The following WWOX variants were observed in gnomAD, a reference collection of about 807,000 sequenced individuals.
WWOX encodes WW domain-containing oxidoreductase.
A neutral mutation model predicts 46.2 loss-of-function variants in WWOX; 69 were observed. The observed-to-expected ratio is 1.49, with a 90% CI of 1.23 to 1.82. The LOEUF (loss-of-function observed/expected upper bound fraction) is 1.82, where lower values mean the gene tolerates loss of function less well. Ranked by LOEUF, WWOX falls within the 40% of genes most tolerant of loss-of-function variation. WWOX has a pLI of 0.00. For missense variants in WWOX, 919 were observed against 542.6 expected (o/e 1.69, Z -6.89); for synonymous variants, 359 against 202.6 (o/e 1.77, Z -6.56).
At chr16:78,445,504 G>T (rs927539699) in intron 8 of WWOX, among the ~76,000 whole-genome samples, 1 of 152,150 alleles carries the variant, frequency 6.6e-6, no homozygotes, top group African/African-American at 2.4e-5. Context: ...GAAATGAAGA[G>T]ACAAACCACT....
intron 5 of WWOX, among the ~76,000 whole-genome samples, chr16:78,336,768 C>T (rs745502598): frequency 3.9e-5 from 6 of 151,968 alleles, no homozygotes; most frequent in Non-Finnish European, 5.9e-5. Flanking sequence ...TGAGTTTTTA[C>T]AATTATAGTA....
intron 8 of WWOX, among the ~76,000 whole-genome samples, chr16:78,711,949 C>G (rs919296160): frequency 2.6e-5 from 4 of 152,198 alleles, no homozygotes; most frequent in African/African-American, 4.8e-5. Flanking sequence ...GCATCTCTTT[C>G]AGGAGCTTCC....
At chr16:78,600,594 A>G (rs1425570652) in intron 8 of WWOX, among the ~76,000 whole-genome samples, 18 of 152,162 alleles carry the variant, frequency 1.2e-4, no homozygotes, top group African/African-American at 4.1e-4. Context: ...AGAGAGGTGA[A>G]GGACCCATCT....
At chr16:78,355,625 A>G in intron 5 of WWOX, 1 of 589,838 alleles carries the variant, frequency 1.7e-6, no homozygotes, top group Admixed American at 2.0e-5. Flanking sequence ...TGTGAAAATG[A>G]GAAACGACCG....
At chr16:78,214,832 C>A (rs1379476456) in intron 5 of WWOX, among the ~76,000 whole-genome samples, 6 of 146,626 alleles carry the variant, frequency 4.1e-5, no homozygotes, top group African/African-American at 5.0e-5. Context: ...TAAATATTAC[C>A]AAAAAAAAAA....
chr16:79,043,042 C>T (rs537943166), intron 8 of WWOX, among the ~76,000 whole-genome samples: 1 of 152,188 alleles, frequency 6.6e-6, no homozygotes, highest in Non-Finnish European at 1.5e-5. Context: ...GACAGGCTCT[C>T]CTGTCATCAA....
intron 8 of WWOX, among the ~76,000 whole-genome samples, chr16:78,878,084 C>T (rs2044269573): frequency 6.6e-6 from 1 of 152,164 alleles, no homozygotes; most frequent in South Asian, 2.1e-4. Flanking sequence ...TTTAGCATAA[C>T]TAGTACTGGC....
intron 8 of WWOX, among the ~76,000 whole-genome samples, chr16:78,964,019 C>T (rs896707717): frequency 5.3e-5 from 8 of 152,218 alleles, no homozygotes; most frequent in Non-Finnish European, 1.2e-4. Flanking sequence ...CACCATGATT[C>T]TGAGACCTCC....
intron 8 of WWOX, among the ~76,000 whole-genome samples, chr16:79,094,097 C>T (rs1269312769): frequency 2.6e-5 from 4 of 152,190 alleles, no homozygotes; most frequent in African/African-American, 4.8e-5. Context: ...ATCCCACCTC[C>T]TCACTCCTCT....
At chr16:78,741,602 C>G (rs764510242) in intron 8 of WWOX, among the ~76,000 whole-genome samples, 27 of 151,950 alleles carry the variant, frequency 1.8e-4, no homozygotes, top group Admixed American at 1.8e-3. Flanking sequence ...TGCCTGTAAT[C>G]CCAGCACTTT....
intron 8 of WWOX, among the ~76,000 whole-genome samples, chr16:78,488,600 G>A (rs72801922): frequency 0.061 from 9,352 of 152,184 alleles, 355 homozygotes; most frequent in Non-Finnish European, 0.089. Context: ...CCGAGAGACC[G>A]TGGAGCTGCT....
intron 8 of WWOX, among the ~76,000 whole-genome samples, chr16:79,012,347 C>G (rs1340569990): frequency 6.6e-6 from 1 of 152,086 alleles, no homozygotes; most frequent in East Asian, 1.9e-4. Context: ...ATTCTCCTAC[C>G]TCAGCCTCCC....
At chr16:79,173,174 C>A (rs953631719) in intron 8 of WWOX, among the ~76,000 whole-genome samples, 3 of 152,208 alleles carry the variant, frequency 2.0e-5, no homozygotes, top group Admixed American at 2.0e-4. Context: ...TGTCCATAGG[C>A]ATCTACGTCA....
At position 78,728,055 on chromosome 16, in the gene WWOX, C is replaced by CTTCCTTTTTTTTTTT. The variant is rs1555524549; in HGVS notation, c.1056+295305_1056+295306insCCTTTTTTTTTTTTT. Among the ~76,000 whole-genome samples, 2 of 86,806 alleles carry CTTCCTTTTTTTTTTT rather than the reference C, an allele frequency of 2.3e-5. 1 individual carries two copies. The allele number at this position is 86,806 out of a possible 152,430, so 56.9% of individuals were successfully genotyped here. A position where few individuals can be genotyped will look rare whatever the true frequency, so the allele number is the denominator to read the frequency against. ...TTCCTCTTTCCTCTCTCCCTCCTTC[C>CTTCCTTTTTTTTTTT]TTTTTTTTTTTTTTTTTTTTTTTTT... On this transcript the variant is annotated intron_variant, in intron 8 of 8. Coordinates refer to ENST00000566780, the MANE Select transcript of WWOX (RefSeq NM_016373.4).
chr16:79,118,831 A>G (rs1210215821), intron 8 of WWOX, among the ~76,000 whole-genome samples: 2 of 152,116 alleles, frequency 1.3e-5, no homozygotes, highest in African/African-American at 2.4e-5. Flanking sequence ...ACATTTCATC[A>G]TGTTGTTCTA....
intron 8 of WWOX, among the ~76,000 whole-genome samples, chr16:78,759,632 C>A (rs981871252): frequency 2.6e-4 from 40 of 152,308 alleles, no homozygotes; most frequent in African/African-American, 8.7e-4. Flanking sequence ...GGATGTTAAA[C>A]TGCATGCCTA....
At position 78,421,981 on chromosome 16, in the gene WWOX, G is replaced by C. The variant is rs185682943; in HGVS notation, c.606-2889G>C. On this transcript the variant is annotated intron_variant, in intron 6 of 8. Transcript: ENST00000566780. ...ATATATTCCCACCAACTTTATACAA[G>C]ATAATACAAATATAATAGTATGAAT... 1.5e-3 allele frequency among the ~76,000 whole-genome samples: 234 copies of C among 152,092 alleles called. 1 individual carries two copies. Among genetic ancestry groups the C allele is most frequent in the African/African-American group, 5.1e-3 (210 of 41,500 alleles).
chr16:78,109,523 A>G (rs1233824448), intron 2 of WWOX, among the ~76,000 whole-genome samples: 1 of 152,234 alleles, frequency 6.6e-6, no homozygotes, highest in Non-Finnish European at 1.5e-5. Context: ...CACAACCAGT[A>G]TGGTTTATAG....
chr16:79,122,086 C>A (rs183372599), intron 8 of WWOX, among the ~76,000 whole-genome samples: 2 of 152,294 alleles, frequency 1.3e-5, no homozygotes, highest in African/African-American at 4.8e-5. Flanking sequence ...AGGGTGTGTG[C>A]TCAGCGGGCA....
Sources: allele counts gnomAD v4.1 joint callset (sites outside exome capture counted in the v4.1 genomes callset), GRCh38; gene constraint gnomAD v4.1.1; transcripts MANE v1.5; gene names NCBI Gene and HGNC (gene_info 2026-07-23, HGNC 2026-07-21).